The following XPR1 variants were observed in gnomAD, a reference collection of about 807,000 sequenced individuals.
XPR1 encodes solute carrier family 53 member 1.
XPR1 carries 28 observed loss-of-function variants against 87.5 expected under a neutral mutation model. The observed-to-expected ratio is 0.32, with a 90% CI of 0.24 to 0.44. The LOEUF (loss-of-function observed/expected upper bound fraction) is 0.44. Ranked by LOEUF, XPR1 falls within the 20% of genes least tolerant of loss-of-function variation. The pLI is 1.00. For synonymous variants in XPR1, 300 were observed against 306.1 expected, an observed-to-expected ratio of 0.98 and a Z score of 0.21; for missense variants, 559 against 862.3, an observed-to-expected ratio of 0.65 and a Z score of 4.41.
At chr1:180,730,838 T>TA in intron 2 of XPR1, among the ~76,000 whole-genome samples, 1 of 151,542 alleles carries the variant, frequency 6.6e-6, no homozygotes, top group Non-Finnish European at 1.5e-5. Flanking sequence ...AATTTTTTTT[T>TA]TTATTTTTTG....
intron 2 of XPR1, among the ~76,000 whole-genome samples, chr1:180,748,400 CTT>C (rs71297873): frequency 1.0e-3 from 31 of 29,656 alleles, no homozygotes; most frequent in African/African-American, 1.4e-3. Context: ...TTATTTATGT[CTT>C]TTTTTTTTTT....
Position 180,632,151 on chromosome 1 carries a change from C to G in XPR1, c.-51C>G. ...GGAGGAGTCGGAGTCGCTGTTGCCG[C>G]CGCCGCCTGTAGCTGCTGGACCCGA... is the stretch of plus-strand genomic sequence containing the variant. On this transcript the variant is annotated 5_prime_UTR_variant, in exon 1 of 15. Transcript: ENST00000367590. The G allele has an allele frequency of 6.4e-7, 1 of 1,573,830 alleles. No homozygotes were observed. Among genetic ancestry groups the G allele is most frequent in the Non-Finnish European group, 8.6e-7 (1 of 1,160,320 alleles).
chr1:180,867,030 TC>T (rs1210038052), intron 12 of XPR1, among the ~76,000 whole-genome samples: 1 of 108,182 alleles, frequency 9.2e-6, no homozygotes, highest in Non-Finnish European at 1.9e-5. Flanking sequence ...ATCTCATTGT[TC>T]CATTCCCACC....
At chr1:180,738,137 G>T (rs760235982) in intron 2 of XPR1, among the ~76,000 whole-genome samples, 7 of 152,120 alleles carry the variant, frequency 4.6e-5, no homozygotes, top group Admixed American at 1.3e-4. Flanking sequence ...TCAGCCTCCC[G>T]AGTAGCTGAG....
chr1:180,738,804 T>C (rs1186816124), intron 2 of XPR1, among the ~76,000 whole-genome samples: 1 of 152,194 alleles, frequency 6.6e-6, no homozygotes, highest in African/African-American at 2.4e-5. Context: ...ATTTTGTGAC[T>C]TGCAAACATT....
At chr1:180,720,655 C>A (rs141747250) in intron 2 of XPR1, among the ~76,000 whole-genome samples, 118 of 152,256 alleles carry the variant, frequency 7.8e-4, no homozygotes, top group African/African-American at 2.4e-3. Context: ...AATGCTAATT[C>A]TTGGACCTCA....
chr1:180,827,153 C>CAAAAAAAAA (rs11324246), intron 9 of XPR1, among the ~76,000 whole-genome samples: 1 of 66,910 alleles, frequency 1.5e-5, no homozygotes, highest in African/African-American at 6.1e-5. Context: ...GACTCCTTCT[C>CAAAAAAAAA]AAAAAAAAAA....
At chr1:180,767,711 C>T (rs1557998585) in intron 2 of XPR1, among the ~76,000 whole-genome samples, 1 of 152,098 alleles carries the variant, frequency 6.6e-6, no homozygotes. Flanking sequence ...CAGATTATTA[C>T]CCTGATTCTG....
chr1:180,799,428 C>G (rs1649703033), intron 3 of XPR1, among the ~76,000 whole-genome samples: 1 of 152,158 alleles, frequency 6.6e-6, no homozygotes. Context: ...ATCAGCTTTT[C>G]TATTAGGCCA....
At chr1:180,802,316 T>C (rs1649816663) in intron 3 of XPR1, among the ~76,000 whole-genome samples, 1 of 152,228 alleles carries the variant, frequency 6.6e-6, no homozygotes, top group African/African-American at 2.4e-5. Flanking sequence ...GTATTATTTT[T>C]AAATGTATGT....
intron 2 of XPR1, among the ~76,000 whole-genome samples, chr1:180,684,796 T>A (rs1455437977): frequency 6.6e-6 from 1 of 152,232 alleles, no homozygotes; most frequent in Non-Finnish European, 1.5e-5. Flanking sequence ...GTTTGTCTGT[T>A]ATTGGTGTAT....
chr1:180,725,741 C>T (rs796768228), intron 2 of XPR1, among the ~76,000 whole-genome samples: 3 of 152,108 alleles, frequency 2.0e-5, no homozygotes, highest in African/African-American at 7.2e-5. Context: ...CTGAATTTCC[C>T]CTGGCATCTC....
intron 13 of XPR1, among the ~76,000 whole-genome samples, chr1:180,874,653 G>A (rs1652604074): frequency 6.6e-6 from 1 of 151,904 alleles, no homozygotes; most frequent in Non-Finnish European, 1.5e-5. Context: ...CTGCACTGTT[G>A]CACTCCAACC....
chr1:180,754,346 TA>T, intron 2 of XPR1, among the ~76,000 whole-genome samples: 1 of 152,210 alleles, frequency 6.6e-6, no homozygotes. Flanking sequence ...TTTTCCACAA[TA>T]AAAAGTTTTT....
intron 1 of XPR1, among the ~76,000 whole-genome samples, chr1:180,662,409 A>T (rs1461251209): frequency 6.6e-6 from 1 of 152,106 alleles, no homozygotes; most frequent in Non-Finnish European, 1.5e-5. Context: ...CTATTTTAGG[A>T]TGAAAGTTTT....
chr1:180,653,856 A>G (rs1417880217), intron 1 of XPR1, among the ~76,000 whole-genome samples: 4 of 152,168 alleles, frequency 2.6e-5, no homozygotes, highest in South Asian at 2.1e-4. Context: ...TGGGTATCCT[A>G]TATAGCGTGG....
At chr1:180,836,363 A>AT (rs556800626) in intron 10 of XPR1, among the ~76,000 whole-genome samples, 159 bp from the exon 11 acceptor site, 2 of 152,118 alleles carry the variant, frequency 1.3e-5, no homozygotes, top group African/African-American at 4.8e-5. Flanking sequence ...TCTCAAAAAA[A>AT]AAAAAGAAAA....
intron 3 of XPR1, among the ~76,000 whole-genome samples, chr1:180,794,104 G>T (rs747420058): frequency 1.3e-5 from 2 of 152,112 alleles, no homozygotes; most frequent in Non-Finnish European, 2.9e-5. Context: ...TGAGAAATGC[G>T]TCATGAGGTG....
chr1:180,806,706 G>T, intron 6 of XPR1, 149 bp downstream of exon 6: 1 of 564,354 alleles, frequency 1.8e-6, no homozygotes. Context: ...AACATTATAT[G>T]CTATATTTTA....
Sources: gnomAD v4.1 joint callset for allele counts (sites outside exome capture counted in the v4.1 genomes callset) on GRCh38, gnomAD v4.1.1 for gene constraint, MANE v1.5 for transcripts, NCBI Gene and HGNC (gene_info 2026-07-23, HGNC 2026-07-21) for gene names.